DNAJB6: variants seen among roughly 807,000 people sequenced by gnomAD.
DNAJB6 encodes dnaJ homolog subfamily B member 6.
Under a neutral mutation model 42.7 loss-of-function variants are expected in DNAJB6, and 16 were observed. That is an observed-to-expected ratio of 0.37 (90% CI 0.25 to 0.57). DNAJB6 has a LOEUF of 0.57. DNAJB6 is among the 20% of genes least tolerant of loss of function. DNAJB6 has a pLI of 0.74. For synonymous variants in DNAJB6, 170 were observed against 163.5 expected (o/e 1.04, Z -0.30); for missense variants, 347 against 416.8 (o/e 0.83, Z 1.46).
intron 1 of DNAJB6, among the ~76,000 whole-genome samples, chr7:157,350,174 T>G (rs1324638960): frequency 6.6e-6 from 1 of 152,172 alleles, no homozygotes; most frequent in Non-Finnish European, 1.5e-5. Flanking sequence ...CTTTTGTTGG[T>G]GGCAATTGGA....
At chr7:157,345,194 A>G (rs1468083443) in intron 1 of DNAJB6, among the ~76,000 whole-genome samples, 3 of 150,682 alleles carry the variant, frequency 2.0e-5, no homozygotes, top group Non-Finnish European at 4.4e-5. Flanking sequence ...GGATTTCACC[A>G]TGTTGTCCAG....
intron 1 of DNAJB6, among the ~76,000 whole-genome samples, chr7:157,350,669 T>C (rs1798923624): frequency 6.6e-6 from 1 of 151,404 alleles, no homozygotes; most frequent in African/African-American, 2.4e-5. Context: ...TTTCTCGAAG[T>C]ACTTGGAGAC....
At chr7:157,404,511 C>CTTT (rs1460990185) in intron 8 of DNAJB6, among the ~76,000 whole-genome samples, 4 of 58,552 alleles carry the variant, frequency 6.8e-5, no homozygotes, top group East Asian at 4.8e-4. Context: ...TGTCTTTTTT[C>CTTT]TTTTCTTTTT....
At chr7:157,337,287 G>C (rs1218784634) in intron 1 of DNAJB6, 143 bp downstream of exon 1, 2 of 151,958 alleles carry the variant, frequency 1.3e-5, no homozygotes, top group Non-Finnish European at 2.9e-5. Flanking sequence ...CGGGGCGGGG[G>C]CCGTGGCCGG....
intron 5 of DNAJB6, among the ~76,000 whole-genome samples, chr7:157,369,705 A>G (rs1184946807): frequency 2.7e-5 from 4 of 146,094 alleles, no homozygotes; most frequent in African/African-American, 1.1e-4. Flanking sequence ...TCATAACGTT[A>G]TTATTAAACG....
intron 2 of DNAJB6, among the ~76,000 whole-genome samples, chr7:157,361,431 A>G (rs991591964): frequency 2.0e-5 from 3 of 152,180 alleles, no homozygotes; most frequent in Admixed American, 2.0e-4. Context: ...TGCTGAGATT[A>G]CAGGCATGAG....
At chr7:157,372,009 A>G (rs1217939045) in intron 5 of DNAJB6, 1 of 152,260 alleles carries the variant, frequency 6.6e-6, no homozygotes, top group Admixed American at 6.5e-5. Context: ...CTCTGTAGCA[A>G]TAGAGGAGGA....
At chr7:157,414,080 C>T (rs1483523691) in intron 9 of DNAJB6, 1 of 152,298 alleles carries the variant, frequency 6.6e-6, no homozygotes, top group Non-Finnish European at 1.5e-5. Flanking sequence ...CCGCCCCTCC[C>T]CCACCATCCC....
At chr7:157,376,072 C>T (rs1050584748) in intron 5 of DNAJB6, among the ~76,000 whole-genome samples, 1 of 152,116 alleles carries the variant, frequency 6.6e-6, no homozygotes, top group Non-Finnish European at 1.5e-5. Context: ...CTGAGATGAA[C>T]GTGGTTGGTG....
At chr7:157,344,138 A>G (rs1369765596) in intron 1 of DNAJB6, among the ~76,000 whole-genome samples, 1 of 152,176 alleles carries the variant, frequency 6.6e-6, no homozygotes, top group African/African-American at 2.4e-5. Flanking sequence ...CAGGAGTTTG[A>G]GACCATCCTG....
At chr7:157,376,349 T>C (rs1800471578) in intron 5 of DNAJB6, among the ~76,000 whole-genome samples, 1 of 151,836 alleles carries the variant, frequency 6.6e-6, no homozygotes, top group South Asian at 2.1e-4. Flanking sequence ...GGCCCCTTAA[T>C]GCATTGGTCT....
In DNAJB6 at chr7:157,385,445, A is replaced by G. The variant is rs563528488; in HGVS notation, c.621-96A>G. ...TACAGCCTGAAAATTACTTATATTC[A>G]TGGTGTATTTCAGTAATGTCCTTAA... On this transcript the variant is annotated intron_variant, in intron 7 of 9. Coordinates refer to ENST00000262177, the MANE Select transcript of DNAJB6 (RefSeq NM_058246.4). 1.2e-4 allele frequency: 157 copies of G among 1,273,620 alleles called. 1 individual carries two copies. The African/African-American group carries it at 2.1e-3, about 17-fold the overall frequency. The allele number at this position is 1,273,620 out of a possible 1,614,324, so 78.9% of individuals were successfully genotyped here. A position where few individuals can be genotyped will look rare whatever the true frequency, so the allele number is the denominator to read the frequency against.
At chr7:157,390,212 A>G (rs1308352186) in intron 8 of DNAJB6, among the ~76,000 whole-genome samples, 1 of 151,830 alleles carries the variant, frequency 6.6e-6, no homozygotes. Context: ...TACTCCCCAC[A>G]CCCCTCCTGC....
At chr7:157,380,336 G>C (rs1000063256) in intron 5 of DNAJB6, 2 of 152,172 alleles carry the variant, frequency 1.3e-5, no homozygotes, top group Non-Finnish European at 2.9e-5. Context: ...TGAAGTTTTT[G>C]TGTCCTAGAG....
chr7:157,356,858 C>A (rs563462960), intron 1 of DNAJB6, among the ~76,000 whole-genome samples: 2 of 152,264 alleles, frequency 1.3e-5, no homozygotes, highest in African/African-American at 4.8e-5. Flanking sequence ...AGAATCTTTG[C>A]TGTCATGTAT....
At position 157,364,383 on chromosome 7, in the gene DNAJB6, A is replaced by G. The variant is rs557907124; in HGVS notation, c.175+1113A>G. ...AATATGAAAAGACATAAAAACACCG[A>G]TATTTGAAGTCTTCTTGAAATGTGG... On this transcript the variant is annotated intron_variant, in intron 3 of 9. Coordinates refer to ENST00000262177, the MANE Select transcript of DNAJB6 (RefSeq NM_058246.4). Among the ~76,000 whole-genome samples, 63 of 152,270 alleles carry G rather than the reference A, an allele frequency of 4.1e-4. 1 individual carries two copies. The South Asian group carries it at 9.7e-3, about 24-fold the overall frequency.
At chr7:157,408,110 A>C (rs978185225) in intron 8 of DNAJB6, among the ~76,000 whole-genome samples, 1 of 151,962 alleles carries the variant, frequency 6.6e-6, no homozygotes, top group African/African-American at 2.4e-5. Flanking sequence ...GGGCTAGGTG[A>C]CCCCTCTCAG....
intron 8 of DNAJB6, among the ~76,000 whole-genome samples, chr7:157,388,314 T>A (rs112863763): frequency 6.6e-6 from 1 of 152,192 alleles, no homozygotes; most frequent in Non-Finnish European, 1.5e-5. Context: ...AGAGTACCTT[T>A]GAAAAGTTAG....
intron 1 of DNAJB6, among the ~76,000 whole-genome samples, chr7:157,355,592 T>C (rs1799231998): frequency 6.6e-6 from 1 of 152,014 alleles, no homozygotes. Context: ...TTACTGACCT[T>C]AAATAAGAGC....
Sources: gnomAD v4.1 joint callset for allele counts (sites outside exome capture counted in the v4.1 genomes callset) on GRCh38, gnomAD v4.1.1 for gene constraint, MANE v1.5 for transcripts, NCBI Gene and HGNC (gene_info 2026-07-23, HGNC 2026-07-21) for gene names.